The following EFCAB8 variants were observed in gnomAD, a reference collection of about 807,000 sequenced individuals.
EFCAB8 encodes the protein EF-hand calcium-binding domain-containing protein 8.
A neutral mutation model predicts 116.3 loss-of-function variants in EFCAB8; 100 were observed. The ratio of observed to expected loss-of-function variants is 0.86; its 90% CI spans 0.73 to 1.02. The LOEUF is 1.02. Among genes scored for constraint, EFCAB8 ranks in the 50% least tolerant of loss-of-function variants. The probability of loss-of-function intolerance (pLI) is 0.00; values close to 1 mark genes in which losing one functional copy is unlikely to be tolerated. For missense variants in EFCAB8, 1,320 were observed against 1,416.9 expected (o/e 0.93, Z 1.10); for synonymous variants, 558 against 567.9 (o/e 0.98, Z 0.25).
intron 23 of EFCAB8, among the ~76,000 whole-genome samples, chr20:32,956,118 T>C (rs1456353043): frequency 2.0e-5 from 3 of 152,262 alleles, no homozygotes; most frequent in South Asian, 2.1e-4. Flanking sequence ...TCCTCTGCTC[T>C]TTAAATGGTA....
intron 17 of EFCAB8, among the ~76,000 whole-genome samples, chr20:32,914,939 C>G (rs1167291063): frequency 6.6e-6 from 1 of 152,088 alleles, no homozygotes; most frequent in Non-Finnish European, 1.5e-5. Context: ...CACTCTGTCA[C>G]CCAGGCTGGA....
At chr20:32,915,020 C>T (rs1430141433) in intron 17 of EFCAB8, among the ~76,000 whole-genome samples, 3 of 152,078 alleles carry the variant, frequency 2.0e-5, no homozygotes, top group Non-Finnish European at 4.4e-5. Flanking sequence ...ACCCCAGCCT[C>T]CAGAGTAGCT....
rs1987900940 is a variant in EFCAB8, at chr20:32,931,306, C to T, written c.2760C>T (p.Phe920=). 3.9e-6 allele frequency: 6 copies of T among 1,550,398 alleles called. No individual in the cohort carries two copies. Among genetic ancestry groups the T allele is most frequent in the African/African-American group, 2.7e-5 (2 of 73,032 alleles). ...TTCCTCAGCAACTTGGGACCAACTTCCCACACTACATTCCCTTGGAGGATA... is the reference window on the plus strand; with the variant it reads ...TTCCTCAGCAACTTGGGACCAACTTTCCACACTACATTCCCTTGGAGGATA... ...LLIPQQLGTN[F]PHYIPLEDKE... Residue 920 remains phenylalanine (F), a synonymous_variant, in exon 22 of 27, where the codon TTC becomes TTT. Transcript: ENST00000400522.
Position 32,917,343 on chromosome 20 carries a change from G to C in EFCAB8, c.1899G>C (p.Gln633His). Residue 633 changes from glutamine (Q) to histidine (H), a missense_variant, in exon 18 of 27, where the codon CAG becomes CAC. By Grantham distance (24) the Gln-to-His change is conservative. Transcript: ENST00000400522. ...CAGTGCTCTTGTGCTACCACTGGCAGACCTACCACACGGAGGACATCCTGA... is the reference window on the plus strand; with the variant it reads ...CAGTGCTCTTGTGCTACCACTGGCACACCTACCACACGGAGGACATCCTGA... ...TKPVLLCYHW[Q>H]TYHTEDILSM... 1 of 1,551,706 alleles carries C rather than the reference G, an allele frequency of 6.4e-7. No homozygotes were observed. Among genetic ancestry groups the C allele is most frequent in the Non-Finnish European group, 8.7e-7 (1 of 1,147,000 alleles).
intron 20 of EFCAB8, among the ~76,000 whole-genome samples, chr20:32,923,160 G>A (rs530025084): frequency 1.3e-5 from 2 of 152,186 alleles, no homozygotes; most frequent in East Asian, 3.9e-4. Flanking sequence ...CTCCAGCCTG[G>A]GCAACACAGC....
chr20:32,914,089 T>TG (rs1451510592), intron 17 of EFCAB8, among the ~76,000 whole-genome samples: 4 of 152,272 alleles, frequency 2.6e-5, no homozygotes, highest in Non-Finnish European at 4.4e-5. Flanking sequence ...GTGGCTCTGC[T>TG]GGGAGACCCT....
intron 22 of EFCAB8, among the ~76,000 whole-genome samples, chr20:32,935,538 C>T (rs781423471): frequency 2.0e-5 from 3 of 150,622 alleles, no homozygotes; most frequent in Admixed American, 6.7e-5. Context: ...TGGAGTTTTG[C>T]TCTTATTGCC....
At chr20:32,881,106 C>T (rs1183300551) in intron 5 of EFCAB8, among the ~76,000 whole-genome samples, 3 of 152,212 alleles carry the variant, frequency 2.0e-5, no homozygotes, top group African/African-American at 7.2e-5. Context: ...TCCTTTCAAT[C>T]TTGTCAGGTT....
chr20:32,900,497 A>C (rs567293781), intron 11 of EFCAB8, among the ~76,000 whole-genome samples: 1 of 152,176 alleles, frequency 6.6e-6, no homozygotes, highest in East Asian at 1.9e-4. Context: ...AGTAGCTGGG[A>C]CTACAGGCAC....
chr20:32,945,514 G>T (rs1056161798), intron 23 of EFCAB8, among the ~76,000 whole-genome samples: 1 of 152,084 alleles, frequency 6.6e-6, no homozygotes, highest in African/African-American at 2.4e-5. Context: ...GTTTGTTCAT[G>T]TATTGTTTCC....
chr20:32,900,158 G>A (rs551596532), intron 11 of EFCAB8, among the ~76,000 whole-genome samples: 1 of 152,256 alleles, frequency 6.6e-6, no homozygotes, highest in East Asian at 1.9e-4. Flanking sequence ...GAAACAGAGG[G>A]CCATTTAGAC....
intron 1 of EFCAB8, among the ~76,000 whole-genome samples, chr20:32,862,134 C>CTT (rs796463534): frequency 1.7e-3 from 236 of 141,872 alleles, no homozygotes; most frequent in African/African-American, 5.7e-3. Flanking sequence ...TATTTCTTTT[C>CTT]TTTTTTTTTT....
In EFCAB8 at chr20:32,918,502, G is replaced by A. The variant is rs142411460; in HGVS notation, c.2202G>A (p.Arg734=). 3.7e-4 allele frequency: 575 copies of A among 1,551,750 alleles called. 1 individual carries two copies. The African/African-American group carries it at 7.1e-3, about 19-fold the overall frequency. Residue 734 remains arginine, a synonymous_variant, in exon 19 of 27, where the codon CGG becomes CGA. Coordinates refer to ENST00000400522, the MANE Select transcript of EFCAB8 (RefSeq NM_001143967.2). ...PESVANTNLR[R]SLVSAPPVMR... ...CTGTGGCCAATACCAACCTGAGGCG[G>A]AGCCTGGTGTCGGCTCCCCCAGTGA...
chr20:32,908,225 T>C lies in EFCAB8; in HGVS notation c.1309-50T>C, dbSNP rs1464839306. 30 of 1,247,846 alleles carry C rather than the reference T, an allele frequency of 2.4e-5. No individual in the cohort carries two copies. The Admixed American group carries it at 6.7e-4, about 28-fold the overall frequency. The allele number at this position is 1,247,846 out of a possible 1,614,324, so 77.3% of individuals were successfully genotyped here. A position where few individuals can be genotyped will look rare whatever the true frequency, so the allele number is the denominator to read the frequency against. ...CACCCCCGAGGCTTCAGGAGCCGGCTACATCCCCGAGACCCATGCTCAGCG... is the reference window on the plus strand; with the variant it reads ...CACCCCCGAGGCTTCAGGAGCCGGCCACATCCCCGAGACCCATGCTCAGCG... On this transcript the variant is annotated intron_variant, in intron 13 of 26. Coordinates refer to ENST00000400522, the MANE Select transcript of EFCAB8 (RefSeq NM_001143967.2).
chr20:32,931,275 T>C lies in EFCAB8; in HGVS notation c.2729T>C (p.Leu910Ser), dbSNP rs1987899595. ...VVSEAHNKFR[L>S]LIPQQLGTNF... ...TCTGAAGCACACAACAAGTTCCGGTTGTTAATTCCTCAGCAACTTGGGACC... is the reference window on the plus strand; with the variant it reads ...TCTGAAGCACACAACAAGTTCCGGTCGTTAATTCCTCAGCAACTTGGGACC... Residue 910 changes from leucine (L) to serine (S), a missense_variant, in exon 22 of 27, where the codon TTG (leucine) becomes TCG (serine). Physicochemically the swap from Leu to Ser is moderately radical, Grantham distance 145. Coordinates refer to ENST00000400522, the MANE Select transcript of EFCAB8 (RefSeq NM_001143967.2). 3 of 1,551,540 alleles carry C rather than the reference T, an allele frequency of 1.9e-6. No homozygotes were observed. The highest frequency in any genetic ancestry group is 2.6e-6 in the Non-Finnish European group (3 of 1,146,964).
chr20:32,932,219 A>T (rs1286640290), intron 22 of EFCAB8, among the ~76,000 whole-genome samples: 1 of 152,188 alleles, frequency 6.6e-6, no homozygotes, highest in Non-Finnish European at 1.5e-5. Context: ...TCTACTAAAA[A>T]TACAAAAATC....
At chr20:32,877,211 T>A (rs6119298) in intron 4 of EFCAB8, among the ~76,000 whole-genome samples, 13 of 140,666 alleles carry the variant, frequency 9.2e-5, no homozygotes, top group African/African-American at 3.3e-4. Flanking sequence ...TTCTTTCTTT[T>A]TTTTTTTTTT....
intron 18 of EFCAB8, among the ~76,000 whole-genome samples, chr20:32,917,728 G>A (rs1987253823): frequency 1.3e-5 from 2 of 152,156 alleles, no homozygotes; most frequent in African/African-American, 2.4e-5. Flanking sequence ...CCTTGCCTAA[G>A]GTCACACAGC....
intron 3 of EFCAB8, among the ~76,000 whole-genome samples, chr20:32,875,281 G>A (rs1984902729): frequency 6.6e-6 from 1 of 152,098 alleles, no homozygotes; most frequent in African/African-American, 2.4e-5. Flanking sequence ...AATTGGCCTA[G>A]CCTGGGGTGG....
Sources: allele counts gnomAD v4.1 joint callset (sites outside exome capture counted in the v4.1 genomes callset), GRCh38; gene constraint gnomAD v4.1.1; transcripts MANE v1.5; gene names NCBI Gene and HGNC (gene_info 2026-07-23, HGNC 2026-07-21).